PEX5L: variants seen among roughly 807,000 people sequenced by gnomAD.
PEX5L encodes the protein PEX5-related protein.
A neutral mutation model predicts 84.0 loss-of-function variants in PEX5L; 30 were observed. The ratio of observed to expected loss-of-function variants is 0.36; its 90% CI spans 0.27 to 0.48. PEX5L has a LOEUF of 0.48. PEX5L is among the 20% of genes least tolerant of loss of function. The pLI, the probability that PEX5L is intolerant of heterozygous loss-of-function variation, is 0.99. For synonymous variants in PEX5L, 270 were observed against 283.1 expected (o/e 0.95, Z 0.46); for missense variants, 533 against 754.6 (o/e 0.71, Z 3.44).
intron 3 of PEX5L, among the ~76,000 whole-genome samples, chr3:179,892,932 G>A (rs1412829229): frequency 6.6e-6 from 1 of 152,078 alleles, no homozygotes; most frequent in African/African-American, 2.4e-5. Flanking sequence ...TTCCCTCCAT[G>A]CTGATTTTAA....
At chr3:179,826,575 C>T (rs1348719078) in intron 8 of PEX5L, among the ~76,000 whole-genome samples, 1 of 152,196 alleles carries the variant, frequency 6.6e-6, no homozygotes, top group Non-Finnish European at 1.5e-5. Context: ...GTGACTAGGG[C>T]TCCTTTACCA....
intron 8 of PEX5L, among the ~76,000 whole-genome samples, chr3:179,822,132 T>G (rs1297109203): frequency 6.6e-6 from 1 of 152,198 alleles, no homozygotes; most frequent in African/African-American, 2.4e-5. Context: ...GACAAATCTA[T>G]CAAGTGAATT....
intron 8 of PEX5L, among the ~76,000 whole-genome samples, chr3:179,847,842 T>C (rs1197496898): frequency 6.6e-6 from 1 of 152,028 alleles, no homozygotes; most frequent in Non-Finnish European, 1.5e-5. Context: ...GCTGGGACTA[T>C]CTGTATCACC....
In PEX5L at chr3:179,940,016, C is replaced by A. The variant is rs553568763; in HGVS notation, c.93+31578G>T. On this transcript the variant is annotated intron_variant, in intron 2 of 14. Coordinates refer to ENST00000467460, the MANE Select transcript of PEX5L (RefSeq NM_016559.3). ...CCTAGAAATGCTGACATAGGGGCTCCTCAGCATTACATGAGGTGCAAAATT... is the reference window on the plus strand; with the variant it reads ...CCTAGAAATGCTGACATAGGGGCTCATCAGCATTACATGAGGTGCAAAATT... 5.3e-5 allele frequency among the ~76,000 whole-genome samples: 8 copies of A among 152,288 alleles called. No individual in the cohort carries two copies. The South Asian group carries it at 1.7e-3, about 32-fold the overall frequency.
chr3:180,014,441 C>T (rs1789760209), intron 1 of PEX5L, among the ~76,000 whole-genome samples: 1 of 151,122 alleles, frequency 6.6e-6, no homozygotes, highest in Admixed American at 6.6e-5. Context: ...CACTGCACTC[C>T]AGCCTGGGTG....
At chr3:179,932,326 G>A (rs953656929) in intron 2 of PEX5L, among the ~76,000 whole-genome samples, 1 of 152,046 alleles carries the variant, frequency 6.6e-6, no homozygotes, top group African/African-American at 2.4e-5. Context: ...AATATTGACA[G>A]CAATTACCTA....
intron 1 of PEX5L, among the ~76,000 whole-genome samples, chr3:179,982,905 A>G (rs1786463022): frequency 6.6e-6 from 1 of 152,130 alleles, no homozygotes; most frequent in Admixed American, 6.5e-5. Flanking sequence ...TTAAATGATC[A>G]AAGTATCATT....
At chr3:180,028,216 G>A (rs768311332) in intron 1 of PEX5L, among the ~76,000 whole-genome samples, 10 of 152,178 alleles carry the variant, frequency 6.6e-5, no homozygotes, top group Non-Finnish European at 1.0e-4. Flanking sequence ...TTGCAAAATG[G>A]TAATTTTTAA....
intron 2 of PEX5L, among the ~76,000 whole-genome samples, chr3:179,941,753 T>A (rs1053476091): frequency 7.9e-5 from 12 of 152,092 alleles, no homozygotes; most frequent in Non-Finnish European, 1.3e-4. Context: ...CCAGGCCCAG[T>A]GGCTCACGCT....
chr3:179,982,613 T>C (rs1786434587), intron 1 of PEX5L, among the ~76,000 whole-genome samples: 1 of 152,172 alleles, frequency 6.6e-6, no homozygotes, highest in Non-Finnish European at 1.5e-5. Context: ...CTGTAAGAGT[T>C]CCTTTGATGA....
chr3:180,035,899 T>C (rs1310379351), intron 1 of PEX5L, among the ~76,000 whole-genome samples: 1 of 152,176 alleles, frequency 6.6e-6, no homozygotes, highest in Non-Finnish European at 1.5e-5. Context: ...AAGGTTAAAG[T>C]AATCTTGCCC....
At chr3:180,015,124 G>C (rs951425421) in intron 1 of PEX5L, among the ~76,000 whole-genome samples, 3 of 152,336 alleles carry the variant, frequency 2.0e-5, no homozygotes, top group South Asian at 2.1e-4. Context: ...AAAGGGCTCT[G>C]TCTCATTCCT....
intron 1 of PEX5L, among the ~76,000 whole-genome samples, chr3:180,024,382 A>ACAC (rs1553929519): frequency 1.7e-5 from 2 of 114,804 alleles, no homozygotes; most frequent in Non-Finnish European, 1.7e-5. Context: ...ATACACACAC[A>ACAC]AAAAAAAAAA....
Position 179,847,272 on chromosome 3 carries a change from TGATA to T in PEX5L, c.822+11786_822+11789del, listed in dbSNP as rs553638024. On this transcript the variant is annotated intron_variant, in intron 8 of 14. Coordinates refer to ENST00000467460, the MANE Select transcript of PEX5L (RefSeq NM_016559.3). The stretch of plus-strand genomic sequence containing the variant: ...GATATATAGATAACTGTATATTGAT[TGATA>T]TATAGATATCTGTATATTGATTGAT... Among the ~76,000 whole-genome samples the T allele has an allele frequency of 2.7e-3, 406 of 152,190 alleles. 2 individuals carry two copies. Among genetic ancestry groups the T allele is most frequent in the African/African-American group, 8.3e-3 (343 of 41,508 alleles).
At chr3:179,908,066 G>A (rs1006668494) in intron 2 of PEX5L, among the ~76,000 whole-genome samples, 4 of 152,198 alleles carry the variant, frequency 2.6e-5, no homozygotes, top group Non-Finnish European at 1.5e-5. Flanking sequence ...GAGAGAAGCT[G>A]AGACTTTGGG....
chr3:179,873,479 T>G (rs1287960486), intron 7 of PEX5L, among the ~76,000 whole-genome samples: 1 of 152,128 alleles, frequency 6.6e-6, no homozygotes, highest in Non-Finnish European at 1.5e-5. Flanking sequence ...ATCTTCGTGG[T>G]TTTAGATCAA....
chr3:179,908,552 T>C (rs1038628310), intron 2 of PEX5L, among the ~76,000 whole-genome samples: 1 of 152,216 alleles, frequency 6.6e-6, no homozygotes, highest in Non-Finnish European at 1.5e-5. Context: ...ATGTGCCATG[T>C]TGGTGTGCTG....
intron 7 of PEX5L, among the ~76,000 whole-genome samples, chr3:179,866,697 T>C (rs1002948257): frequency 6.6e-6 from 1 of 152,086 alleles, no homozygotes; most frequent in Admixed American, 6.6e-5. Context: ...CCCAGGATTT[T>C]TTTTTCTTAA....
At chr3:179,965,449 C>G (rs35824340) in intron 2 of PEX5L, among the ~76,000 whole-genome samples, 1 of 152,030 alleles carries the variant, frequency 6.6e-6, no homozygotes, top group Non-Finnish European at 1.5e-5. Context: ...ACTCAGAGAA[C>G]TTAAACTGCT....
Sources: gnomAD v4.1 joint callset for allele counts (sites outside exome capture counted in the v4.1 genomes callset) on GRCh38, gnomAD v4.1.1 for gene constraint, MANE v1.5 for transcripts, NCBI Gene and HGNC (gene_info 2026-07-23, HGNC 2026-07-21) for gene names.